The following ADAMTS17 variants were observed in gnomAD, a reference collection of about 807,000 sequenced individuals.
The protein encoded by ADAMTS17 is A disintegrin and metalloproteinase with thrombospondin motifs 17.
Under a neutral mutation model 141.5 loss-of-function variants are expected in ADAMTS17, and 113 were observed. The observed-to-expected ratio is 0.80, with a 90% CI of 0.69 to 0.93. The LOEUF is 0.93. ADAMTS17 is among the 40% of genes least tolerant of loss of function. The pLI, the probability that ADAMTS17 is intolerant of heterozygous loss-of-function variation, is 0.00. For missense variants in ADAMTS17, 1,659 were observed against 1,517.9 expected, an observed-to-expected ratio of 1.09 and a Z score of -1.54; for synonymous variants, 768 against 630.6, an observed-to-expected ratio of 1.22 and a Z score of -3.27.
At chr15:100,075,138 T>C (rs1341354240) in intron 15 of ADAMTS17, among the ~76,000 whole-genome samples, 1 of 152,186 alleles carries the variant, frequency 6.6e-6, no homozygotes, top group Non-Finnish European at 1.5e-5. Context: ...AATAAGGAAA[T>C]GAGAATAATT....
intron 18 of ADAMTS17, among the ~76,000 whole-genome samples, chr15:100,010,673 A>G (rs1469599267): frequency 1.3e-5 from 2 of 152,230 alleles, no homozygotes; most frequent in Non-Finnish European, 2.9e-5. Context: ...TACGAGAACA[A>G]CCAAAACACA....
intron 7 of ADAMTS17, among the ~76,000 whole-genome samples, chr15:100,222,134 G>A (rs1368557618): frequency 4.6e-5 from 7 of 152,214 alleles, no homozygotes; most frequent in Admixed American, 1.3e-4. Context: ...AATTTGCAAC[G>A]TGACTATTTC....
intron 18 of ADAMTS17, among the ~76,000 whole-genome samples, chr15:100,006,430 T>G (rs1233102321): frequency 1.3e-5 from 2 of 152,240 alleles, no homozygotes; most frequent in African/African-American, 4.8e-5. Context: ...CCTTGTGAGG[T>G]CTGCTGATGT....
intron 9 of ADAMTS17, among the ~76,000 whole-genome samples, chr15:100,153,093 C>T (rs534988701): frequency 5.9e-5 from 9 of 152,246 alleles, no homozygotes; most frequent in Admixed American, 3.9e-4. Context: ...AAGAGATTAT[C>T]GTATTTTCTT....
chr15:100,253,999 A>C, intron 7 of ADAMTS17, 137 bp downstream of exon 7: 1 of 825,292 alleles, frequency 1.2e-6, no homozygotes, highest in Non-Finnish European at 2.0e-6. Context: ...GGAAAGTCAA[A>C]GACCAACTTA....
intron 3 of ADAMTS17, among the ~76,000 whole-genome samples, chr15:100,319,615 C>G (rs887522814): frequency 7.2e-5 from 11 of 152,170 alleles, no homozygotes; most frequent in African/African-American, 2.7e-4. Context: ...GAGGCTGAGG[C>G]AAGAGAATCG....
intron 18 of ADAMTS17, among the ~76,000 whole-genome samples, chr15:100,033,526 C>T (rs1406861733): frequency 6.8e-6 from 1 of 147,252 alleles, no homozygotes; most frequent in Non-Finnish European, 1.5e-5. Context: ...TGACCTTAGC[C>T]TGTCTATAGG....
At chr15:100,311,045 A>G (rs183929652) in intron 3 of ADAMTS17, among the ~76,000 whole-genome samples, 36 of 152,204 alleles carry the variant, frequency 2.4e-4, no homozygotes, top group Non-Finnish European at 4.0e-4. Context: ...ATGTACTGAG[A>G]AGGCTAGACC....
intron 20 of ADAMTS17, among the ~76,000 whole-genome samples, chr15:99,989,757 AG>A (rs1406375408): frequency 6.6e-6 from 1 of 152,226 alleles, no homozygotes; most frequent in Non-Finnish European, 1.5e-5. Flanking sequence ...TGATAAGACA[AG>A]GTGAGGTCAG....
Position 99,973,890 on chromosome 15 carries a change from T to G in ADAMTS17, c.*512A>C, listed in dbSNP as rs954747910. On this transcript the variant is annotated 3_prime_UTR_variant, in exon 22 of 22. Transcript: ENST00000268070. ...GTTCTCATGTGGTCAAGAAGGTAGA[T>G]GGAGAGAAACGTGTGCTAAGCAGCC... 3 of 218,612 alleles carry G rather than the reference T, an allele frequency of 1.4e-5. No homozygotes were observed. Among genetic ancestry groups the G allele is most frequent in the Admixed American group, 1.0e-4 (2 of 19,058 alleles). The allele number at this position is 218,612 out of a possible 1,614,324, so 13.5% of individuals were successfully genotyped here.
At chr15:100,102,953 T>C (rs2036208927) in intron 14 of ADAMTS17, among the ~76,000 whole-genome samples, 1 of 152,198 alleles carries the variant, frequency 6.6e-6, no homozygotes, top group Non-Finnish European at 1.5e-5. Flanking sequence ...GTCTTTTCAG[T>C]GGCGACTCTC....
At chr15:100,181,882 T>C (rs2040538198) in intron 8 of ADAMTS17, among the ~76,000 whole-genome samples, 1 of 152,218 alleles carries the variant, frequency 6.6e-6, no homozygotes, top group Non-Finnish European at 1.5e-5. Context: ...AACACAGCAC[T>C]AGGACTTAAC....
chr15:100,206,338 G>A (rs537226539), intron 7 of ADAMTS17, among the ~76,000 whole-genome samples: 29 of 152,322 alleles, frequency 1.9e-4, no homozygotes, highest in East Asian at 1.7e-3. Flanking sequence ...TTGAGTGTAC[G>A]TCTGTAGACA....
chr15:100,217,326 T>A (rs959565736), intron 7 of ADAMTS17, among the ~76,000 whole-genome samples: 3 of 152,078 alleles, frequency 2.0e-5, no homozygotes, highest in Non-Finnish European at 4.4e-5. Flanking sequence ...AACGTAAGAC[T>A]GAAAATATAA....
intron 18 of ADAMTS17, among the ~76,000 whole-genome samples, chr15:100,007,483 C>T (rs1018275817): frequency 3.3e-5 from 5 of 151,930 alleles, no homozygotes; most frequent in East Asian, 1.9e-4. Context: ...TGCAATGGCA[C>T]GATCTCGACT....
chr15:100,172,052 C>A (rs753374481), intron 8 of ADAMTS17, among the ~76,000 whole-genome samples: 24 of 152,170 alleles, frequency 1.6e-4, no homozygotes, highest in Non-Finnish European at 3.2e-4. Context: ...GCTCTCAGAC[C>A]ATTCATGTTC....
rs569809142 is a variant in ADAMTS17, at chr15:100,118,258, AAACTT to A, written c.1722-1250_1722-1246del. Among the ~76,000 whole-genome samples the A allele has an allele frequency of 7.9e-5, 12 of 152,362 alleles. No homozygotes were observed. The South Asian group carries it at 2.5e-3, about 32-fold the overall frequency. ...GAACAGGCATGGCTGTGTCCCAATA[AAACTT>A]TATAAACACCTGGTGGTAAGCCAGA... On this transcript the variant is annotated intron_variant, in intron 12 of 21. Coordinates refer to ENST00000268070, the MANE Select transcript of ADAMTS17 (RefSeq NM_139057.4).
At chr15:100,275,476 C>G (rs554587735) in intron 4 of ADAMTS17, among the ~76,000 whole-genome samples, 87 of 152,340 alleles carry the variant, frequency 5.7e-4, no homozygotes, top group African/African-American at 2.0e-3. Flanking sequence ...GCTCCAGCAG[C>G]TGTCAAGGCC....
At chr15:100,286,486 T>C (rs1185041420) in intron 3 of ADAMTS17, among the ~76,000 whole-genome samples, 5 of 152,142 alleles carry the variant, frequency 3.3e-5, no homozygotes, top group African/African-American at 7.2e-5. Flanking sequence ...GGTTACTAAC[T>C]GCAGGGGACC....
Sources: gnomAD v4.1 joint callset for allele counts (sites outside exome capture counted in the v4.1 genomes callset) on GRCh38, gnomAD v4.1.1 for gene constraint, MANE v1.5 for transcripts, NCBI Gene and HGNC (gene_info 2026-07-23, HGNC 2026-07-21) for gene names.